Variants in MTMR7 observed in about 807,000 individuals in gnomAD.
MTMR7 encodes phosphatidylinositol-3-phosphate phosphatase MTMR7.
MTMR7 carries 76 observed loss-of-function variants against 81.2 expected under a neutral mutation model. The ratio of observed to expected loss-of-function variants is 0.94; its 90% CI spans 0.78 to 1.13. MTMR7 has a LOEUF of 1.13. Among genes scored for constraint, MTMR7 ranks in the 50% most tolerant of loss-of-function variants. MTMR7 has a pLI of 0.00. For synonymous variants in MTMR7, 372 were observed against 289.8 expected, an observed-to-expected ratio of 1.28 and a Z score of -2.88; for missense variants, 1,044 against 820.0, an observed-to-expected ratio of 1.27 and a Z score of -3.34.
intron 9 of MTMR7, 106 bp downstream of exon 9, chr8:17,311,405 A>T (rs1817773861): frequency 6.7e-7 from 1 of 1,482,218 alleles, no homozygotes; most frequent in African/African-American, 1.4e-5. Context: ...CTACTAAAAG[A>T]AAAATAATGC....
rs551306584 is a variant in MTMR7, at chr8:17,297,292, T to C, written c.*2570A>G. ...TCTAAATCAATCAATCAGTGAGATATAAACTAAACAGACCCACTTCAAAGT... is the reference window on the plus strand; with the variant it reads ...TCTAAATCAATCAATCAGTGAGATACAAACTAAACAGACCCACTTCAAAGT... On this transcript the variant is annotated 3_prime_UTR_variant, in exon 14 of 14. Transcript: ENST00000180173. 2.0e-5 allele frequency: 3 copies of C among 152,192 alleles called. No individual in the cohort carries two copies. Among genetic ancestry groups the C allele is most frequent in the East Asian group, 1.9e-4 (1 of 5,178 alleles). 9.4% of individuals were successfully genotyped at this position (152,192 alleles called of 1,614,324 possible). A position where few individuals can be genotyped will look rare whatever the true frequency, so the allele number is the denominator to read the frequency against.
At chr8:17,309,486 C>A (rs548279970) in intron 9 of MTMR7, among the ~76,000 whole-genome samples, 160 bp from the exon 10 acceptor site, 7 of 152,300 alleles carry the variant, frequency 4.6e-5, no homozygotes, top group Non-Finnish European at 8.8e-5. Context: ...TATAGAGATG[C>A]ACATGGCAAA....
intron 7 of MTMR7, among the ~76,000 whole-genome samples, chr8:17,319,367 T>C (rs983808232): frequency 1.3e-5 from 2 of 152,238 alleles, no homozygotes; most frequent in African/African-American, 4.8e-5. Flanking sequence ...TTGTATTATC[T>C]GTGCCTCCAG....
rs1816785969 is a variant in MTMR7 at position 17,297,615 on chromosome 8, G to A, written c.*2247C>T. On this transcript the variant is annotated 3_prime_UTR_variant, in exon 14 of 14. Coordinates refer to ENST00000180173, the MANE Select transcript of MTMR7 (RefSeq NM_004686.5). ...ACTTGCATTCTATATATTACTAATTGGGAAGTAATATGCCTCAAATCAGTT... is the reference window on the plus strand; with the variant it reads ...ACTTGCATTCTATATATTACTAATTAGGAAGTAATATGCCTCAAATCAGTT... The A allele has an allele frequency of 1.3e-5, 2 of 151,906 alleles. No homozygotes were observed. Among genetic ancestry groups the A allele is most frequent in the South Asian group, 4.1e-4 (2 of 4,826 alleles). The allele number at this position is 151,906 out of a possible 1,614,324, so 9.4% of individuals were successfully genotyped here.
chr8:17,395,541 G>GC (rs1821221737), intron 1 of MTMR7, among the ~76,000 whole-genome samples: 1 of 152,152 alleles, frequency 6.6e-6, no homozygotes, highest in African/African-American at 2.4e-5. Flanking sequence ...CACCAACAAT[G>GC]CACAAGGGTT....
chr8:17,339,819 T>C (rs916018133), intron 6 of MTMR7, among the ~76,000 whole-genome samples: 1 of 152,242 alleles, frequency 6.6e-6, no homozygotes, highest in African/African-American at 2.4e-5. Flanking sequence ...TTAAAGTCCT[T>C]ATGCTCTTTT....
At chr8:17,322,072 C>G (rs1472464411) in intron 7 of MTMR7, among the ~76,000 whole-genome samples, 1 of 152,126 alleles carries the variant, frequency 6.6e-6, no homozygotes, top group Non-Finnish European at 1.5e-5. Context: ...ACCCTGAGAT[C>G]TGAAGTTGAA....
At chr8:17,407,002 T>C (rs1220432291) in intron 1 of MTMR7, among the ~76,000 whole-genome samples, 1 of 152,056 alleles carries the variant, frequency 6.6e-6, no homozygotes, top group Non-Finnish European at 1.5e-5. Context: ...GTGTTTCTCT[T>C]TGGAGTAATG....
intron 1 of MTMR7, among the ~76,000 whole-genome samples, chr8:17,394,658 T>C (rs970234749): frequency 2.6e-5 from 4 of 152,220 alleles, no homozygotes; most frequent in African/African-American, 7.2e-5. Flanking sequence ...ACTACTTAAA[T>C]GTATACTTTT....
chr8:17,348,570 G>GAAAA (rs1819633898), intron 5 of MTMR7, among the ~76,000 whole-genome samples: 1 of 141,540 alleles, frequency 7.1e-6, no homozygotes, highest in African/African-American at 2.6e-5. Flanking sequence ...AAAAAAAAAC[G>GAAAA]TAATAGAGAA....
intron 2 of MTMR7, among the ~76,000 whole-genome samples, chr8:17,372,428 A>G (rs1333440387): frequency 6.6e-6 from 1 of 152,016 alleles, no homozygotes; most frequent in Non-Finnish European, 1.5e-5. Context: ...TCTACTAAAA[A>G]CACAAAAAAG....
intron 1 of MTMR7, among the ~76,000 whole-genome samples, chr8:17,394,969 C>T (rs1160161487): frequency 6.6e-6 from 1 of 152,136 alleles, no homozygotes; most frequent in African/African-American, 2.4e-5. Flanking sequence ...GCGTATAATT[C>T]AGTGGCGTTA....
In MTMR7 at chr8:17,299,986, T is replaced by C. The variant is rs1381562074; in HGVS notation, c.1859A>G (p.Asn620Ser). The C allele has an allele frequency of 3.1e-6, 5 of 1,614,164 alleles. No individual in the cohort carries two copies. The highest frequency in any genetic ancestry group is 2.2e-5 in the East Asian group (1 of 44,874). ...CTCCACCCCGGACTCTTGGTCACTG[T>C]TGGCTGACAGATCTGGATCTGAACT... ...LKSSDPDLSA[N>S]SDQESGVEDL... is the part of the protein sequence containing the mutation. The change falls in exon 14 of 14, where the codon AAC (asparagine) becomes AGC (serine). Residue 620 changes from asparagine (N) to serine (S), a missense_variant. Asn to Ser is a conservative substitution (Grantham distance 46, BLOSUM62 1). Transcript: ENST00000180173.
Position 17,300,124 on chromosome 8 carries a change from C to G in MTMR7, c.1721G>C (p.Ser574Thr). ...KHSGFSTSDN[S>T]IANTPQDYSG... ...GTAATCCTGGGGAGTGTTGGCTATG[C>G]TGTTGTCTGAGGTAGAAAACCCTGA... Residue 574 changes from serine to threonine, a missense_variant, in exon 14 of 14, where the codon AGC becomes ACC. By Grantham distance (58) the Ser-to-Thr change is moderately conservative. Transcript: ENST00000180173. 1.2e-6 allele frequency: 2 copies of G among 1,614,134 alleles called. No individual in the cohort carries two copies. Among genetic ancestry groups the G allele is most frequent in the Non-Finnish European group, 1.7e-6 (2 of 1,180,010 alleles).
chr8:17,343,170 T>C (rs933450632), intron 5 of MTMR7, among the ~76,000 whole-genome samples: 4 of 152,190 alleles, frequency 2.6e-5, no homozygotes, highest in Admixed American at 6.5e-5. Flanking sequence ...CTCACGCCTG[T>C]AATCCCAGCA....
At chr8:17,327,268 T>G (rs1261455514) in intron 7 of MTMR7, among the ~76,000 whole-genome samples, 1 of 152,148 alleles carries the variant, frequency 6.6e-6, no homozygotes, top group Non-Finnish European at 1.5e-5. Flanking sequence ...TAGGCATGTC[T>G]ATATCTTATT....
rs1162528291 is a variant in MTMR7, at chr8:17,413,321, C to A, written c.-29G>T. 1.3e-6 allele frequency: 2 copies of A among 1,526,734 alleles called. No homozygotes were observed. Among genetic ancestry groups the A allele is most frequent in the African/African-American group, 1.4e-5 (1 of 70,294 alleles). 94.6% of individuals were successfully genotyped at this position (1,526,734 alleles called of 1,614,324 possible). On this transcript the variant is annotated 5_prime_UTR_variant, in exon 1 of 14. Coordinates refer to ENST00000180173, the MANE Select transcript of MTMR7 (RefSeq NM_004686.5). ...TGGCCCACGTCTGCAGGGTCCCGGG[C>A]GGGCGCGGCCTCACGCACCTGCGCG...
intron 7 of MTMR7, among the ~76,000 whole-genome samples, chr8:17,322,986 C>T (rs981412535): frequency 1.5e-5 from 2 of 130,164 alleles, no homozygotes; most frequent in African/African-American, 3.0e-5. Context: ...CTTGCTCTGT[C>T]GCCCAGGCTG....
intron 4 of MTMR7, among the ~76,000 whole-genome samples, chr8:17,359,078 G>C (rs926787137): frequency 2.0e-5 from 3 of 151,982 alleles, no homozygotes; most frequent in Non-Finnish European, 4.4e-5. Flanking sequence ...AATTGCTTTT[G>C]TGGGAATGGG....
Sources: gnomAD v4.1 joint callset for allele counts (sites outside exome capture counted in the v4.1 genomes callset) on GRCh38, gnomAD v4.1.1 for gene constraint, MANE v1.5 for transcripts, NCBI Gene and HGNC (gene_info 2026-07-23, HGNC 2026-07-21) for gene names.